ARHGEF10L: variants seen among roughly 807,000 people sequenced by gnomAD.
The protein encoded by ARHGEF10L is Rho guanine nucleotide exchange factor 10 like, also known as rho guanine nucleotide exchange factor 10-like protein.
ARHGEF10L carries 69 observed loss-of-function variants against 141.2 expected under a neutral mutation model. The observed-to-expected ratio is 0.49, with a 90% CI of 0.40 to 0.60. The LOEUF (loss-of-function observed/expected upper bound fraction) is 0.60. ARHGEF10L is among the 20% of genes least tolerant of loss of function. The pLI is 0.00. For missense variants in ARHGEF10L, 1,482 were observed against 1,734.3 expected (o/e 0.85, Z 2.58); for synonymous variants, 711 against 718.5 (o/e 0.99, Z 0.17).
At chr1:17,620,070 G>T (rs2060024288) in intron 10 of ARHGEF10L, among the ~76,000 whole-genome samples, 1 of 152,110 alleles carries the variant, frequency 6.6e-6, no homozygotes, top group African/African-American at 2.4e-5. Context: ...GTGCATGGTG[G>T]TACACGCTTG....
chr1:17,572,262 G>A (rs1036405203), intron 1 of ARHGEF10L, among the ~76,000 whole-genome samples: 12 of 152,196 alleles, frequency 7.9e-5, no homozygotes, highest in African/African-American at 2.9e-4. Context: ...TTGGGAGCCC[G>A]GGACGCCCTC....
Position 17,655,957 on chromosome 1 carries a change from T to A in ARHGEF10L, c.2560T>A (p.Ser854Thr), listed in dbSNP as rs370749961. 69 of 1,562,290 alleles carry A rather than the reference T, an allele frequency of 4.4e-5. No homozygotes were observed. In the African/African-American group the frequency reaches 7.7e-4, roughly 17 times the overall value. Residue 854 changes from serine to threonine, a missense_variant, in exon 24 of 29, where the codon TCC (serine) becomes ACC (threonine). Ser to Thr is a moderately conservative substitution (Grantham distance 58). Coordinates refer to ENST00000361221, the MANE Select transcript of ARHGEF10L (RefSeq NM_018125.4). Reference protein sequence around the residue: ...LNRPSPRTVKSFPLAAPVLCM... With the variant: ...LNRPSPRTVKTFPLAAPVLCM... ...CCGGCCCTCGCCCCGCACCGTCAAG[T>A]CCTTCCCACTGGCAGCCCCTGTGCT... is the stretch of plus-strand genomic sequence containing the variant.
At chr1:17,554,712 A>G (rs914774112) in intron 1 of ARHGEF10L, among the ~76,000 whole-genome samples, 1 of 150,692 alleles carries the variant, frequency 6.6e-6, no homozygotes, top group Non-Finnish European at 1.5e-5. Context: ...ACCTCAGCGT[A>G]CCGAGTAACT....
chr1:17,616,135 T>C lies in ARHGEF10L; in HGVS notation c.768T>C (p.Asp256=), dbSNP rs1251221368. The C allele has an allele frequency of 1.9e-6, 3 of 1,613,624 alleles. No homozygotes were observed. Among genetic ancestry groups the C allele is most frequent in the Middle Eastern group, 1.6e-4 (1 of 6,062 alleles). ...AGGCCGCCAAGAGCGGGACCAAGGA[T>C]GGGCTGGAGAAGACACGGATGGCCG... ...LMKAAKSGTK[D]GLEKTRMAVM... The change falls in exon 9 of 29, where the codon GAT becomes GAC. Residue 256 remains aspartate (D), a synonymous_variant. Coordinates refer to ENST00000361221, the MANE Select transcript of ARHGEF10L (RefSeq NM_018125.4).
intron 1 of ARHGEF10L, among the ~76,000 whole-genome samples, chr1:17,551,343 G>A (rs1240923977): frequency 1.9e-5 from 1 of 52,776 alleles, no homozygotes; most frequent in Non-Finnish European, 4.0e-5. Context: ...TGATGCAGGT[G>A]GAGGGACTCC....
intron 21 of ARHGEF10L, among the ~76,000 whole-genome samples, chr1:17,645,235 A>T (rs2061529394): frequency 6.6e-6 from 1 of 152,164 alleles, no homozygotes; most frequent in Non-Finnish European, 1.5e-5. Context: ...CAGCGACAGC[A>T]GTCTTCTAAT....
chr1:17,602,323 T>C, intron 5 of ARHGEF10L, 105 bp downstream of exon 5: 5 of 1,325,084 alleles, frequency 3.8e-6, no homozygotes, highest in Non-Finnish European at 5.2e-6. Flanking sequence ...GAGCCCAGGG[T>C]TCATCCTCAC....
intron 16 of ARHGEF10L, 88 bp downstream of exon 16, chr1:17,632,554 A>T (rs2060759595): frequency 7.1e-6 from 11 of 1,550,372 alleles, no homozygotes; most frequent in Non-Finnish European, 9.7e-6. Context: ...GCCGCACTAC[A>T]GTGGGACCCC....
chr1:17,541,219 C>T (rs1397968150), intron 1 of ARHGEF10L, among the ~76,000 whole-genome samples: 4 of 152,204 alleles, frequency 2.6e-5, no homozygotes, highest in Non-Finnish European at 5.9e-5. Context: ...TGGGTCCCAT[C>T]CTTCACCTCT....
At chr1:17,635,149 C>A in intron 18 of ARHGEF10L, 133 bp downstream of exon 18, 1 of 1,152,146 alleles carries the variant, frequency 8.7e-7, no homozygotes, top group Non-Finnish European at 1.2e-6. Context: ...GGCCAGGAAG[C>A]TCTTGCTGGT....
chr1:17,542,215 C>T (rs928976335), intron 1 of ARHGEF10L, among the ~76,000 whole-genome samples: 9 of 151,954 alleles, frequency 5.9e-5, no homozygotes, highest in Non-Finnish European at 1.0e-4. Flanking sequence ...TTAGGAGCCT[C>T]AGGTGGGAGG....
intron 26 of ARHGEF10L, among the ~76,000 whole-genome samples, chr1:17,687,225 C>T (rs2064679864): frequency 6.6e-6 from 1 of 152,200 alleles, no homozygotes; most frequent in Non-Finnish European, 1.5e-5. Flanking sequence ...ATGCCTGGTC[C>T]TGTCTGCTCG....
At chr1:17,649,784 G>C (rs1452675982) in intron 22 of ARHGEF10L, among the ~76,000 whole-genome samples, 2 of 152,196 alleles carry the variant, frequency 1.3e-5, no homozygotes, top group African/African-American at 4.8e-5. Flanking sequence ...CTTGGAGGAG[G>C]TGGCATTTAA....
At chr1:17,637,179 C>T (rs975194135) in intron 18 of ARHGEF10L, among the ~76,000 whole-genome samples, 1 of 152,242 alleles carries the variant, frequency 6.6e-6, no homozygotes, top group African/African-American at 2.4e-5. Context: ...TCTCCAGTCT[C>T]TAGCATGGAG....
rs566341757 is a variant in ARHGEF10L, at chr1:17,659,040, G to A, written c.2860+2332G>A. On this transcript the variant is annotated intron_variant, in intron 25 of 28. Transcript: ENST00000361221. ...GAGGAAGTGGCACTGGGCGTGACCCGGGGGCAGACAGAGCTGTTTGCGAGG... is the reference window on the plus strand; with the variant it reads ...GAGGAAGTGGCACTGGGCGTGACCCAGGGGCAGACAGAGCTGTTTGCGAGG... 2.9e-3 allele frequency among the ~76,000 whole-genome samples: 442 copies of A among 152,290 alleles called. 2 individuals carry two copies. The highest frequency in any genetic ancestry group is 4.1e-3 in the Non-Finnish European group (278 of 68,026).
intron 27 of ARHGEF10L, among the ~76,000 whole-genome samples, chr1:17,691,646 A>G (rs866626889): frequency 1.3e-5 from 2 of 152,100 alleles, no homozygotes; most frequent in Non-Finnish European, 2.9e-5. Flanking sequence ...AATAGCCTCT[A>G]TTTATTGATT....
intron 9 of ARHGEF10L, chr1:17,618,216 C>A: frequency 9.4e-7 from 1 of 1,065,294 alleles, no homozygotes; most frequent in Non-Finnish European, 1.3e-6. Flanking sequence ...CTTCCTGGGT[C>A]ACCCTCCCAA....
chr1:17,588,835 G>A (rs1387551987), intron 4 of ARHGEF10L, among the ~76,000 whole-genome samples: 1 of 140,102 alleles, frequency 7.1e-6, no homozygotes, highest in Non-Finnish European at 1.5e-5. Context: ...GAAGCAAACA[G>A]CTGGAGGGTC....
the ARHGEF10L span, among the ~76,000 whole-genome samples, chr1:17,527,810 G>T: frequency 1.3e-5 from 2 of 151,998 alleles, no homozygotes; most frequent in East Asian, 3.9e-4. Context: ...AGGTGACTGG[G>T]AGGCGAGGGT....
Sources: allele counts gnomAD v4.1 joint callset (sites outside exome capture counted in the v4.1 genomes callset), GRCh38; gene constraint gnomAD v4.1.1; transcripts MANE v1.5; gene names NCBI Gene and HGNC (gene_info 2026-07-23, HGNC 2026-07-21).